CYP24A1: variants seen among roughly 807,000 people sequenced by gnomAD.
The protein encoded by CYP24A1 is 1,25-dihydroxyvitamin D(3) 24-hydroxylase, mitochondrial.
A neutral mutation model predicts 62.4 loss-of-function variants in CYP24A1; 68 were observed. The observed-to-expected ratio is 1.09, with a 90% CI of 0.90 to 1.33. CYP24A1 has a LOEUF of 1.33. CYP24A1 is among the 40% of genes most tolerant of loss of function. The probability of loss-of-function intolerance (pLI) is 0.00; values close to 1 mark genes in which losing one functional copy is unlikely to be tolerated. For synonymous variants in CYP24A1, 267 were observed against 253.0 expected (o/e 1.06, Z -0.52); for missense variants, 787 against 653.0 (o/e 1.21, Z -2.24).
chr20:54,166,964 A>G (rs2092674437), intron 4 of CYP24A1, among the ~76,000 whole-genome samples: 3 of 152,270 alleles, frequency 2.0e-5, no homozygotes, highest in Non-Finnish European at 1.5e-5. Flanking sequence ...TCTTGGGCCC[A>G]GGAGGCCGAG....
At position 54,167,633 on chromosome 20, in the gene CYP24A1, C is replaced by T. The variant is rs576535704; in HGVS notation, c.641-1800G>A. ...CTAAAAAACACAAAAATCAGCCAGGCATGGTGGTGTGCACCTGTAGTCCCA... is the reference window on the plus strand; with the variant it reads ...CTAAAAAACACAAAAATCAGCCAGGTATGGTGGTGTGCACCTGTAGTCCCA... On this transcript the variant is annotated intron_variant, in intron 4 of 11. Coordinates refer to ENST00000216862, the MANE Select transcript of CYP24A1 (RefSeq NM_000782.5). Among the ~76,000 whole-genome samples, 3 of 152,208 alleles carry T rather than the reference C, an allele frequency of 2.0e-5. No individual in the cohort carries two copies. The South Asian group carries it at 6.2e-4, about 32-fold the overall frequency.
chr20:54,157,578 A>G lies in CYP24A1; in HGVS notation c.1244T>C (p.Leu415Pro). 1 of 1,567,054 alleles carries G rather than the reference A, an allele frequency of 6.4e-7. No individual in the cohort carries two copies. Reference sequence around the variant, plus strand: ...TCCCAACACCTGGGTATTTAGCATGAGCACTGTCTAAACACATGCAGAGAC... The same window carrying G: ...TCCCAACACCTGGGTATTTAGCATGGGCACTGTCTAAACACATGCAGAGAC... ...GEYALPKGTV[L>P]MLNTQVLGSS... Residue 415 changes from leucine to proline, a missense_variant, in exon 10 of 12, where the codon CTC (leucine) becomes CCC (proline). Transcript: ENST00000216862.
At chr20:54,162,220 CTTTTTTTTTTTTTTTTTT>C (rs530338632) in intron 7 of CYP24A1, among the ~76,000 whole-genome samples, 2,764 of 72,772 alleles carry the variant, frequency 0.038, 88 homozygotes, top group Non-Finnish European at 0.049. Flanking sequence ...GAGAGTATGC[CTTTTTTTTTTTTTTTTTT>C]TTTTTTTTTT....
intron 5 of CYP24A1, among the ~76,000 whole-genome samples, 159 bp from the exon 6 acceptor site, chr20:54,164,722 C>A (rs916847729): frequency 2.6e-5 from 4 of 151,776 alleles, no homozygotes; most frequent in Non-Finnish European, 5.9e-5. Flanking sequence ...GTCCTGGGAG[C>A]AATGCCCGTA....
At chr20:54,167,334 T>A (rs987117801) in intron 4 of CYP24A1, among the ~76,000 whole-genome samples, 1 of 152,196 alleles carries the variant, frequency 6.6e-6, no homozygotes, top group Non-Finnish European at 1.5e-5. Flanking sequence ...GGATGGTACA[T>A]GAACTTTAAA....
Position 54,169,656 on chromosome 20 carries a change from C to G in CYP24A1, c.576G>C (p.Glu192Asp), listed in dbSNP as rs562720862. ...VLADFMGRID[E>D]LCDERGHVED... ...CAACGTGGCCTCTTTCATCACAGAG[C>G]TCATCTATTCTGCCCATAAAATCGG... Residue 192 changes from glutamate to aspartate, a missense_variant, in exon 4 of 12, where the codon GAG (glutamate) becomes GAC (aspartate). Glu to Asp is a conservative substitution (Grantham distance 45). Coordinates refer to ENST00000216862, the MANE Select transcript of CYP24A1 (RefSeq NM_000782.5). The G allele has an allele frequency of 1.4e-4, 221 of 1,614,162 alleles. 3 individuals are homozygous for G. In the South Asian group the frequency reaches 2.3e-3, roughly 17 times the overall value.
intron 4 of CYP24A1, among the ~76,000 whole-genome samples, chr20:54,168,752 T>G (rs2092681580): frequency 8.3e-6 from 1 of 119,886 alleles, no homozygotes; most frequent in Non-Finnish European, 1.8e-5. Context: ...CCTTCCTTCC[T>G]TCCTTCTCTC....
intron 7 of CYP24A1, among the ~76,000 whole-genome samples, chr20:54,162,113 C>T (rs1376621424): frequency 2.0e-5 from 3 of 149,788 alleles, no homozygotes; most frequent in Non-Finnish European, 4.4e-5. Context: ...TTGGTCTTTA[C>T]AATGAGCTGT....
chr20:54,155,138 T>C (rs1243857327), intron 11 of CYP24A1, among the ~76,000 whole-genome samples: 1 of 152,148 alleles, frequency 6.6e-6, no homozygotes, highest in Non-Finnish European at 1.5e-5. Flanking sequence ...TAGAATACTT[T>C]CCTTACCCTA....
chr20:54,158,554 A>G (rs2092638096), intron 8 of CYP24A1, among the ~76,000 whole-genome samples: 1 of 152,204 alleles, frequency 6.6e-6, no homozygotes, highest in African/African-American at 2.4e-5. Context: ...TTGTTTTCCC[A>G]AAAGGATGTA....
At chr20:54,159,841 G>C (rs552658718) in intron 7 of CYP24A1, among the ~76,000 whole-genome samples, 1 of 152,300 alleles carries the variant, frequency 6.6e-6, no homozygotes, top group East Asian at 1.9e-4. Context: ...GTGGAAAACT[G>C]GGTAACGGAT....
chr20:54,164,842 A>G (rs1428960793), intron 5 of CYP24A1, among the ~76,000 whole-genome samples: 2 of 151,670 alleles, frequency 1.3e-5, no homozygotes, highest in Non-Finnish European at 2.9e-5. Flanking sequence ...AAAAAAAAAA[A>G]AAAGAGGAAA....
At chr20:54,156,176 A>G (rs2092627303) in intron 11 of CYP24A1, among the ~76,000 whole-genome samples, 1 of 152,230 alleles carries the variant, frequency 6.6e-6, no homozygotes, top group African/African-American at 2.4e-5. Flanking sequence ...TTATCAGAAC[A>G]CAGCCTTTGT....
intron 2 of CYP24A1, among the ~76,000 whole-genome samples, chr20:54,172,362 G>T (rs541920143): frequency 1.3e-5 from 2 of 152,264 alleles, no homozygotes; most frequent in South Asian, 4.1e-4. Flanking sequence ...AAAAGCAGAA[G>T]AATCACATCC....
chr20:54,151,294 A>G (rs2092612062), downstream of CYP24A1, among the ~76,000 whole-genome samples: 1 of 152,130 alleles, frequency 6.6e-6, no homozygotes, highest in Non-Finnish European at 1.5e-5. Flanking sequence ...CGCTGGTGGG[A>G]GTGCCTTTTA....
At chr20:54,168,719 TTC>T (rs1164899312) in intron 4 of CYP24A1, among the ~76,000 whole-genome samples, 1 of 151,236 alleles carries the variant, frequency 6.6e-6, no homozygotes, top group African/African-American at 2.4e-5. Context: ...TTTCTTTCCT[TTC>T]TCTTTTTCTT....
intron 6 of CYP24A1, among the ~76,000 whole-genome samples, chr20:54,163,801 CTTATTA>C (rs72429518): frequency 0.037 from 5,554 of 152,078 alleles, 326 homozygotes; most frequent in African/African-American, 0.13. Flanking sequence ...GGTAGGTTCT[CTTATTA>C]TTATTATTAA....
intron 7 of CYP24A1, 133 bp downstream of exon 7, chr20:54,162,584 G>GGCCGTGCGCTGAGGCACCGTGGTAT (rs1555889740): frequency 1.3e-5 from 8 of 625,504 alleles, no homozygotes; most frequent in African/African-American, 2.5e-5. Flanking sequence ...TCTAGTATGA[G>GGCCGTGCGCTGAGGCACCGTGGTAT]ACTTTTCATT....
chr20:54,157,520 C>T lies in CYP24A1; in HGVS notation c.1302G>A (p.Gln434=). The T allele has an allele frequency of 6.2e-7, 1 of 1,600,760 alleles. No individual in the cohort carries two copies. Residue 434 remains glutamine, a synonymous_variant, in exon 10 of 12, where the codon CAG becomes CAA. Transcript: ENST00000216862. Reference sequence around the variant, plus strand: ...CCTGAAGCCAACGTTCAGGTCTAAACTGACTTGAATCTTCAAAATTGTCTT... The same window carrying T: ...CCTGAAGCCAACGTTCAGGTCTAAATTGACTTGAATCTTCAAAATTGTCTT... ...SSEDNFEDSS[Q]FRPERWLQEK...
Sources: allele counts gnomAD v4.1 joint callset (sites outside exome capture counted in the v4.1 genomes callset), GRCh38; gene constraint gnomAD v4.1.1; transcripts MANE v1.5; gene names NCBI Gene and HGNC (gene_info 2026-07-23, HGNC 2026-07-21).